Variants in AMY1C observed in about 807,000 individuals in gnomAD.
AMY1C encodes alpha-amylase 1C.
In AMY1C, 3 loss-of-function variants were observed where a neutral mutation model predicts 13.4. The ratio of observed to expected loss-of-function variants is 0.22; its 90% CI spans 0.10 to 0.58. The LOEUF (loss-of-function observed/expected upper bound fraction) is 0.58. AMY1C is among the 20% of genes least tolerant of loss of function. The pLI is 0.91. For synonymous variants in AMY1C, 1 was observed against 28.5 expected (o/e 0.04, Z 3.07); for missense variants, 5 against 96.4 (o/e 0.05, Z 3.97).
Position 103,754,640 on chromosome 1 carries a change from T to C in AMY1C, c.1001+19T>C, listed in dbSNP as rs1296839778. 6.3e-7 allele frequency: 1 copy of C among 1,583,786 alleles called. No individual in the cohort carries two copies. Among genetic ancestry groups the C allele is most frequent in the Admixed American group, 1.7e-5 (1 of 58,920 alleles). On this transcript the variant is annotated intron_variant, in intron 7 of 10. Coordinates refer to ENST00000622339, the MANE Select transcript of AMY1C (RefSeq NM_001008219.3). ...ATGCTAGGTAGAAAACCAAGTTCTC[T>C]ATTTTTTAACACCTCTTTTAATGAT...
At chr1:103,754,852 G>GA (rs2101124379) in intron 8 of AMY1C, 38 bp downstream of exon 8, 5 of 1,264,274 alleles carry the variant, frequency 4.0e-6, no homozygotes, top group South Asian at 2.6e-5. Flanking sequence ...CTTTTCTCAA[G>GA]AAAAAAGAGG....
chr1:103,750,303 T>TC, intron 1 of AMY1C, 121 bp from the exon 2 acceptor site: 2 of 655,858 alleles, frequency 3.0e-6, no homozygotes, highest in Non-Finnish European at 2.1e-6. Context: ...ATGAGAGACT[T>TC]TTTGATGTTC....
intron 8 of AMY1C, among the ~76,000 whole-genome samples, chr1:103,755,887 A>T (rs992994529): frequency 5.0e-5 from 7 of 140,202 alleles, no homozygotes; most frequent in African/African-American, 1.7e-4. Flanking sequence ...TTTAATGAAG[A>T]TTTCTTAAAG....
intron 6 of AMY1C, 172 bp from the exon 7 acceptor site, chr1:103,754,325 AGT>A (rs1232578853): frequency 6.3e-5 from 5 of 79,572 alleles, no homozygotes; most frequent in East Asian, 4.6e-4. Context: ...TATATATGTG[AGT>A]GTGTGTTTGT....
In AMY1C at chr1:103,754,710, T is replaced by A; in HGVS notation, c.1002-5T>A. On this transcript the variant is annotated splice_polypyrimidine_tract_variant and splice_region_variant and intron_variant, in intron 7 of 10. Transcript: ENST00000622339. The stretch of plus-strand genomic sequence containing the variant: ...TCTATGATAATATAATTATGTAACT[T>A]TCAGGCTGTACAAAATGGCAGTTGG... The A allele has an allele frequency of 1.3e-6, 2 of 1,500,282 alleles. No homozygotes were observed. The highest frequency in any genetic ancestry group is 1.8e-6 in the Non-Finnish European group (2 of 1,095,346). 92.9% of individuals were successfully genotyped at this position (1,500,282 alleles called of 1,614,324 possible).
chr1:103,755,857 C>T (rs1192918776), intron 8 of AMY1C, among the ~76,000 whole-genome samples: 1 of 134,196 alleles, frequency 7.5e-6, no homozygotes, highest in Non-Finnish European at 1.7e-5. Context: ...TGATAAACTT[C>T]CTAGGGTTAC....
chr1:103,750,521 T>C lies in AMY1C; in HGVS notation c.52T>C (p.Ser18Pro). The C allele has an allele frequency of 3.6e-6, 1 of 280,870 alleles. No individual in the cohort carries two copies. The allele number at this position is 280,870 out of a possible 1,614,324, so 17.4% of individuals were successfully genotyped here. A position where few individuals can be genotyped will look rare whatever the true frequency, so the allele number is the denominator to read the frequency against. ...FTIGFCWAQY[S>P]SNTQQGRTSI... ...CATTGGGTTCTGCTGGGCTCAGTAT[T>C]CCTCAAATACACAACAAGGACGAAC... The change falls in exon 2 of 11, where the codon TCC becomes CCC. Residue 18 changes from serine to proline, a missense_variant. Ser to Pro is a moderately conservative substitution (Grantham distance 74). Transcript: ENST00000622339.
At chr1:103,750,304 T>C (rs1653865769) in intron 1 of AMY1C, 120 bp from the exon 2 acceptor site, 1 of 637,732 alleles carries the variant, frequency 1.6e-6, no homozygotes, top group Non-Finnish European at 2.2e-6. Context: ...TGAGAGACTT[T>C]TTGATGTTCT....
chr1:103,755,092 AT>A (rs1222662732), intron 8 of AMY1C, among the ~76,000 whole-genome samples: 3 of 68,608 alleles, frequency 4.4e-5, no homozygotes, highest in Non-Finnish European at 7.9e-5. Flanking sequence ...CCACTTAAAA[AT>A]AAGAGCTAGG....
chr1:103,754,540 C>G lies in AMY1C; in HGVS notation c.920C>G (p.Ala307Gly). Residue 307 changes from alanine (A) to glycine (G), a missense_variant, in exon 7 of 11, where the codon GCG becomes GGG. Physicochemically the swap from Ala to Gly is moderately conservative, Grantham distance 60. Transcript: ENST00000622339. Reference protein sequence around the residue: ...EGWGFMPSDRALVFVDNHDNQ... With the variant: ...EGWGFMPSDRGLVFVDNHDNQ... The stretch of plus-strand genomic sequence containing the variant: ...TGGGGTTTCATGCCTTCTGACAGAG[C>G]GCTTGTCTTTGTGGATAACCATGAC... 6.7e-7 allele frequency: 1 copy of G among 1,483,178 alleles called. No homozygotes were observed. The highest frequency in any genetic ancestry group is 9.3e-7 in the Non-Finnish European group (1 of 1,071,540). The allele number at this position is 1,483,178 out of a possible 1,614,324, so 91.9% of individuals were successfully genotyped here.
intron 6 of AMY1C, 26 bp from the exon 7 acceptor site, chr1:103,754,473 A>C (rs772195502): frequency 8.2e-7 from 1 of 1,225,776 alleles, no homozygotes; most frequent in African/African-American, 1.8e-5. Flanking sequence ...TGATACATCA[A>C]CGTATATCTT....
At chr1:103,754,289 GTGTT>G (rs1390961848) in intron 6 of AMY1C, 12 of 48,572 alleles carry the variant, frequency 2.5e-4, no homozygotes, top group African/African-American at 7.0e-4. Context: ...TTACACACGT[GTGTT>G]TGTTTATGAG....
At chr1:103,754,360 A>C (rs1469708108) in intron 6 of AMY1C, 139 bp from the exon 7 acceptor site, 1 of 539,610 alleles carries the variant, frequency 1.9e-6, no homozygotes, top group Non-Finnish European at 3.1e-6. Context: ...ATATATATAT[A>C]TCTTACAGAG....
chr1:103,755,898 T>G (rs1653944327), intron 8 of AMY1C, among the ~76,000 whole-genome samples: 2 of 140,946 alleles, frequency 1.4e-5, no homozygotes, highest in Non-Finnish European at 3.2e-5. Context: ...TTTCTTAAAG[T>G]GCCAATCAGA....
chr1:103,750,177 G>A (rs1294017042), intron 1 of AMY1C, 111 bp downstream of exon 1: 55 of 132,018 alleles, frequency 4.2e-4, no homozygotes, highest in African/African-American at 1.8e-3. Context: ...AGAACATTAG[G>A]CCACAGCAAC....
Position 103,754,762 on chromosome 1 carries a change from T to A in AMY1C, c.1049T>A (p.Phe350Tyr), listed in dbSNP as rs151305578. ...TTTATGCTTGCTCATCCTTATGGATTTACACGAGTAATGTCAAGCTACCGT... is the reference window on the plus strand; with the variant it reads ...TTTATGCTTGCTCATCCTTATGGATATACACGAGTAATGTCAAGCTACCGT... ...VGFMLAHPYG[F>Y]TRVMSSYRWP... The change falls in exon 8 of 11, where the codon TTT becomes TAT. Residue 350 changes from phenylalanine (F) to tyrosine (Y), a missense_variant. Coordinates refer to ENST00000622339, the MANE Select transcript of AMY1C (RefSeq NM_001008219.3). The A allele has an allele frequency of 0.014, 20,434 of 1,489,842 alleles. 17 individuals carry two copies. Among genetic ancestry groups the A allele is most frequent in the South Asian group, 0.026 (2,198 of 83,786 alleles). 92.3% of individuals were successfully genotyped at this position (1,489,842 alleles called of 1,614,324 possible). A position where few individuals can be genotyped will look rare whatever the true frequency, so the allele number is the denominator to read the frequency against.
chr1:103,754,891 TA>T, intron 8 of AMY1C, 77 bp downstream of exon 8: 1 of 1,026,346 alleles, frequency 9.7e-7, no homozygotes, highest in African/African-American at 1.9e-5. Context: ...ATATGACAAC[TA>T]TTAAGTGTTT....
At chr1:103,756,237 TAAG>T (rs1473490225) in intron 8 of AMY1C, among the ~76,000 whole-genome samples, 1 of 82,460 alleles carries the variant, frequency 1.2e-5, no homozygotes, top group African/African-American at 3.7e-5. Context: ...ACAGTGATGT[TAAG>T]AAGCCCTTGC....
intron 8 of AMY1C, among the ~76,000 whole-genome samples, chr1:103,755,074 T>TA (rs1334327809): frequency 4.3e-5 from 3 of 69,476 alleles, no homozygotes; most frequent in South Asian, 4.5e-4. Flanking sequence ...AAATAAAAAT[T>TA]AAAAAAACCA....
Sources: allele counts gnomAD v4.1 joint callset (sites outside exome capture counted in the v4.1 genomes callset), GRCh38; gene constraint gnomAD v4.1.1; transcripts MANE v1.5; gene names NCBI Gene and HGNC (gene_info 2026-07-23, HGNC 2026-07-21).